Variants in KAZN observed in about 807,000 individuals in gnomAD.
The protein encoded by KAZN is kazrin, periplakin interacting protein.
Under a neutral mutation model 87.4 loss-of-function variants are expected in KAZN, and 40 were observed. The observed-to-expected ratio is 0.46, with a 90% confidence interval of 0.36 to 0.60. KAZN has a LOEUF of 0.60. KAZN is among the 20% of genes least tolerant of loss of function. The pLI is 0.00. For missense variants in KAZN, 898 were observed against 1,073.9 expected (o/e 0.84, Z 2.29); for synonymous variants, 466 against 458.3 (o/e 1.02, Z -0.22).
intron 2 of KAZN, among the ~76,000 whole-genome samples, chr1:15,002,556 T>A (rs1668595396): frequency 6.6e-6 from 1 of 152,192 alleles, no homozygotes; most frequent in Non-Finnish European, 1.5e-5. Context: ...GGTCACTTAG[T>A]TTCCCGGAAC....
At chr1:14,328,889 C>T (rs1656644935) in intron 2 of KAZN, among the ~76,000 whole-genome samples, 1 of 151,624 alleles carries the variant, frequency 6.6e-6, no homozygotes. Flanking sequence ...GGGAGGGTGA[C>T]ATGTCTAACA....
chr1:14,730,790 AT>A (rs1464105713), intron 1 of KAZN, among the ~76,000 whole-genome samples: 1 of 152,214 alleles, frequency 6.6e-6, no homozygotes, highest in African/African-American at 2.4e-5. Context: ...CCTCAGGAAC[AT>A]TCCTTCCTGA....
intron 2 of KAZN, among the ~76,000 whole-genome samples, chr1:14,472,810 G>T (rs953106422): frequency 1.3e-5 from 2 of 151,968 alleles, no homozygotes; most frequent in African/African-American, 2.4e-5. Flanking sequence ...TTTTGTTTTT[G>T]TTTTCTTACC....
At chr1:14,428,792 A>C (rs921097694) in intron 2 of KAZN, among the ~76,000 whole-genome samples, 23 of 152,038 alleles carry the variant, frequency 1.5e-4, no homozygotes, top group African/African-American at 5.6e-4. Flanking sequence ...AGTATGGGGG[A>C]AACCACCCCC....
intron 2 of KAZN, among the ~76,000 whole-genome samples, chr1:14,285,430 C>T (rs1653167205): frequency 6.6e-6 from 1 of 152,240 alleles, no homozygotes; most frequent in Admixed American, 6.5e-5. Context: ...GGCCCAACAT[C>T]TGGCCCTGAG....
chr1:14,938,734 G>T (rs544323713), intron 1 of KAZN, among the ~76,000 whole-genome samples: 1 of 152,146 alleles, frequency 6.6e-6, no homozygotes, highest in East Asian at 1.9e-4. Flanking sequence ...GATATCTGGC[G>T]ACAGTTGGTC....
intron 1 of KAZN, among the ~76,000 whole-genome samples, chr1:13,937,800 A>G (rs1640793895): frequency 6.6e-6 from 1 of 151,974 alleles, no homozygotes; most frequent in Admixed American, 6.6e-5. Flanking sequence ...CTCAGTGTAT[A>G]TTTTTGTTGA....
intron 1 of KAZN, among the ~76,000 whole-genome samples, chr1:14,848,928 A>G (rs575445286): frequency 6.6e-5 from 10 of 152,290 alleles, no homozygotes; most frequent in African/African-American, 2.2e-4. Flanking sequence ...GCCCAAGTGC[A>G]TGGAGCGGGG....
intron 2 of KAZN, among the ~76,000 whole-genome samples, chr1:14,202,434 T>C (rs1206779655): frequency 6.6e-6 from 1 of 152,204 alleles, no homozygotes; most frequent in African/African-American, 2.4e-5. Flanking sequence ...AAAGCAGGCT[T>C]GTTCAGAAGG....
chr1:14,226,592 A>C (rs1647313332), intron 2 of KAZN, among the ~76,000 whole-genome samples: 1 of 152,214 alleles, frequency 6.6e-6, no homozygotes, highest in South Asian at 2.1e-4. Context: ...CCATAAAGAC[A>C]CATGCACGTG....
intron 1 of KAZN, chr1:14,924,428 G>A (rs1658916585): frequency 2.0e-6 from 2 of 988,350 alleles, no homozygotes; most frequent in South Asian, 4.5e-5. Context: ...GGGCGAGCCG[G>A]CGCCTTCCTG....
chr1:13,975,145 CAGATCATAG>C (rs1262477893), intron 1 of KAZN, among the ~76,000 whole-genome samples: 1 of 152,196 alleles, frequency 6.6e-6, no homozygotes, highest in Non-Finnish European at 1.5e-5. Context: ...AGTAGGAAGA[CAGATCATAG>C]AGTGTGTCAG....
chr1:13,932,807 G>A (rs2100940362), intron 1 of KAZN, among the ~76,000 whole-genome samples: 1 of 152,296 alleles, frequency 6.6e-6, no homozygotes. Context: ...ATCTGGGGAG[G>A]AGGTTGTCAC....
intron 2 of KAZN, among the ~76,000 whole-genome samples, chr1:14,382,609 A>C (rs1347275898): frequency 6.8e-6 from 1 of 148,058 alleles, no homozygotes; most frequent in African/African-American, 2.5e-5. Context: ...GAGAATGATG[A>C]TTTCCAATTT....
At chr1:14,478,891 T>C (rs1343720985) in intron 2 of KAZN, among the ~76,000 whole-genome samples, 1 of 152,064 alleles carries the variant, frequency 6.6e-6, no homozygotes, top group Non-Finnish European at 1.5e-5. Context: ...TGGGAGCAGA[T>C]CCAAGAAAAC....
intron 2 of KAZN, among the ~76,000 whole-genome samples, chr1:14,264,543 A>AC: frequency 6.6e-6 from 1 of 152,094 alleles, no homozygotes; most frequent in African/African-American, 2.4e-5. Context: ...GATGAGTCCT[A>AC]CCCCCATCCT....
chr1:15,095,086 A>G (rs1640746953), intron 10 of KAZN, among the ~76,000 whole-genome samples, 153 bp downstream of exon 10: 1 of 151,998 alleles, frequency 6.6e-6, no homozygotes, highest in Admixed American at 6.5e-5. Flanking sequence ...GCCCCTGATG[A>G]GGGGGCTTGG....
At chr1:14,370,451 C>G (rs970851574) in intron 2 of KAZN, among the ~76,000 whole-genome samples, 5 of 152,198 alleles carry the variant, frequency 3.3e-5, no homozygotes, top group South Asian at 2.1e-4. Context: ...TCCCTTCCCC[C>G]AAGGAACCTC....
intron 2 of KAZN, among the ~76,000 whole-genome samples, chr1:14,313,195 C>T (rs1014066812): frequency 6.6e-6 from 1 of 152,082 alleles, no homozygotes; most frequent in East Asian, 1.9e-4. Flanking sequence ...AAGCTGTGCT[C>T]TATACTTCAT....
Sources: allele counts gnomAD v4.1 joint callset (sites outside exome capture counted in the v4.1 genomes callset), GRCh38; gene constraint gnomAD v4.1.1; transcripts MANE v1.5; gene names NCBI Gene and HGNC (gene_info 2026-07-23, HGNC 2026-07-21).